Variants in ERC2 observed in about 807,000 individuals in gnomAD.
ERC2 encodes ELKS/RAB6-interacting/CAST family member 2, also known as ERC protein 2.
In ERC2, 42 loss-of-function variants were observed where a neutral mutation model predicts 114.8. The ratio of observed to expected loss-of-function variants is 0.37; its 90% CI spans 0.29 to 0.47. The LOEUF (loss-of-function observed/expected upper bound fraction) is 0.47, where lower values mean the gene tolerates loss of function less well. Among genes scored for constraint, ERC2 ranks in the 20% least tolerant of loss-of-function variants. The pLI, the probability that ERC2 is intolerant of heterozygous loss-of-function variation, is 0.99. For missense variants in ERC2, 939 were observed against 1,150.7 expected (o/e 0.82, Z 2.66); for synonymous variants, 454 against 425.5 (o/e 1.07, Z -0.82).
At chr3:56,434,231 G>T in intron 2 of ERC2, 120 bp downstream of exon 2, 1 of 803,634 alleles carries the variant, frequency 1.2e-6, no homozygotes, top group Non-Finnish European at 2.0e-6. Context: ...CACATACTAA[G>T]CCATAACCTT....
At position 56,080,788 on chromosome 3, in the gene ERC2, C is replaced by T. The variant is rs573853210; in HGVS notation, c.1641+29G>A. The T allele has an allele frequency of 1.3e-5, 21 of 1,601,820 alleles. No homozygotes were observed. In the African/African-American group the frequency reaches 2.6e-4, roughly 20 times the overall value. ...AAATGACAAAACATGGATGATACCC[C>T]ACTTGAAGGTCTTATGTCAGCTACT... is the stretch of plus-strand genomic sequence containing the variant. On this transcript the variant is annotated intron_variant, in intron 7 of 17. Coordinates refer to ENST00000288221, the MANE Select transcript of ERC2 (RefSeq NM_015576.3).
chr3:56,038,655 T>G (rs1299273752), intron 7 of ERC2, among the ~76,000 whole-genome samples: 1 of 152,228 alleles, frequency 6.6e-6, no homozygotes, highest in African/African-American at 2.4e-5. Flanking sequence ...GCAGCACTAT[T>G]CGCAATAGCA....
chr3:55,822,030 A>G (rs995381987), intron 14 of ERC2, among the ~76,000 whole-genome samples: 7 of 152,298 alleles, frequency 4.6e-5, no homozygotes, highest in African/African-American at 1.4e-4. Flanking sequence ...TTAAAACTTC[A>G]GATTTTTTTT....
At chr3:55,895,478 A>G (rs1461528450) in intron 13 of ERC2, among the ~76,000 whole-genome samples, 1 of 152,164 alleles carries the variant, frequency 6.6e-6, no homozygotes, top group Non-Finnish European at 1.5e-5. Context: ...TACCCTGCCT[A>G]ATACCCTGGA....
At chr3:56,003,116 T>C (rs1358387119) in intron 10 of ERC2, 1 of 1,289,114 alleles carries the variant, frequency 7.8e-7, no homozygotes, top group African/African-American at 1.5e-5. Flanking sequence ...TACATCTGAT[T>C]GAACAACTGC....
rs191900353 is a variant in ERC2, at chr3:56,118,576, C to G, written c.1473+20933G>C. 3.5e-4 allele frequency among the ~76,000 whole-genome samples: 53 copies of G among 151,894 alleles called. 2 individuals carry two copies. Among genetic ancestry groups the G allele is most frequent in the Admixed American group, 3.3e-3 (51 of 15,252 alleles). On this transcript the variant is annotated intron_variant, in intron 6 of 17. Transcript: ENST00000288221. The stretch of plus-strand genomic sequence containing the variant: ...GTACTAATTTGTTCCTTTACACAGC[C>G]TTATGCCTACGTAGTATAATTCCCA...
intron 17 of ERC2, among the ~76,000 whole-genome samples, chr3:55,674,311 G>A (rs972334681): frequency 2.8e-4 from 43 of 152,170 alleles, no homozygotes; most frequent in African/African-American, 8.0e-4. Context: ...ACCACTCTGC[G>A]CCAAAGATTA....
intron 17 of ERC2, among the ~76,000 whole-genome samples, chr3:55,650,841 G>GTTT (rs57226729): frequency 6.8e-6 from 1 of 146,408 alleles, no homozygotes. Context: ...CTCATAGGGT[G>GTTT]TTTTTTTTTT....
intron 17 of ERC2, among the ~76,000 whole-genome samples, chr3:55,548,284 C>T (rs754838549): frequency 2.0e-5 from 3 of 152,146 alleles, no homozygotes; most frequent in Non-Finnish European, 1.5e-5. Flanking sequence ...ACCTAGTGCT[C>T]GTCTCCCAAC....
At chr3:56,169,045 C>T (rs1453464708) in intron 4 of ERC2, among the ~76,000 whole-genome samples, 2 of 152,188 alleles carry the variant, frequency 1.3e-5, no homozygotes, top group East Asian at 3.8e-4. Flanking sequence ...GACTGGAAAG[C>T]TAAATACCCA....
chr3:55,639,892 A>C (rs1007748082), intron 17 of ERC2, among the ~76,000 whole-genome samples: 1 of 152,166 alleles, frequency 6.6e-6, no homozygotes, highest in Admixed American at 6.5e-5. Flanking sequence ...AGATGTTTTC[A>C]CACTTGGACC....
intron 14 of ERC2, among the ~76,000 whole-genome samples, chr3:55,795,598 C>T (rs1426516886): frequency 6.6e-6 from 1 of 152,196 alleles, no homozygotes; most frequent in East Asian, 1.9e-4. Flanking sequence ...CTGCCTTTCA[C>T]TCCCGACAGG....
rs2055013022 is a variant in ERC2 at position 56,290,504 on chromosome 3, T to C, written c.1074+5515A>G. 2.0e-5 allele frequency among the ~76,000 whole-genome samples: 3 copies of C among 152,214 alleles called. No individual in the cohort carries two copies. The South Asian group carries it at 6.2e-4, about 31-fold the overall frequency. ...TTTATATGTTTGGGAATAGTTTCTG[T>C]AATTAGCTTTGTTGGTAGAAATAGA... is the stretch of plus-strand genomic sequence containing the variant. On this transcript the variant is annotated intron_variant, in intron 3 of 17. Transcript: ENST00000288221.
intron 14 of ERC2, among the ~76,000 whole-genome samples, chr3:55,843,357 CT>C (rs1182975793): frequency 2.0e-5 from 3 of 152,122 alleles, no homozygotes; most frequent in African/African-American, 7.2e-5. Context: ...TTAGTCTGTC[CT>C]AGATGGCCTA....
chr3:56,228,656 A>G (rs912348672), intron 3 of ERC2, among the ~76,000 whole-genome samples: 6 of 152,232 alleles, frequency 3.9e-5, no homozygotes, highest in African/African-American at 1.2e-4. Context: ...TATTGCTGCT[A>G]TGCACATGGT....
intron 3 of ERC2, among the ~76,000 whole-genome samples, chr3:56,222,426 A>C (rs2049972087): frequency 6.6e-6 from 1 of 151,960 alleles, no homozygotes; most frequent in African/African-American, 2.4e-5. Flanking sequence ...CACCACCACC[A>C]CCACCTCCTG....
At chr3:55,749,309 T>G (rs750002679) in intron 14 of ERC2, among the ~76,000 whole-genome samples, 1 of 152,190 alleles carries the variant, frequency 6.6e-6, no homozygotes, top group Non-Finnish European at 1.5e-5. Context: ...TGGACAACCT[T>G]GAGGCTTCCC....
At chr3:56,378,532 T>C (rs1314060109) in intron 2 of ERC2, among the ~76,000 whole-genome samples, 1 of 142,424 alleles carries the variant, frequency 7.0e-6, no homozygotes, top group East Asian at 2.0e-4. Flanking sequence ...GTAACTAACC[T>C]GCACAATGTG....
At chr3:55,617,029 G>T (rs2059149127) in intron 17 of ERC2, among the ~76,000 whole-genome samples, 2 of 152,186 alleles carry the variant, frequency 1.3e-5, no homozygotes, top group Non-Finnish European at 2.9e-5. Context: ...GGAAGGCAGG[G>T]TGTGAGAAAA....
Sources: allele counts gnomAD v4.1 joint callset (sites outside exome capture counted in the v4.1 genomes callset), GRCh38; gene constraint gnomAD v4.1.1; transcripts MANE v1.5; gene names NCBI Gene and HGNC (gene_info 2026-07-23, HGNC 2026-07-21).